BICC1: variants seen among roughly 807,000 people sequenced by gnomAD.
BICC1 encodes BicC family RNA binding protein 1, also known as protein bicaudal C homolog 1.
A neutral mutation model predicts 111.0 loss-of-function variants in BICC1; 43 were observed. That is an observed-to-expected ratio of 0.39 (90% confidence interval 0.30 to 0.50). The LOEUF is 0.50. BICC1 is among the 20% of genes least tolerant of loss of function. BICC1 has a pLI of 0.88. For synonymous variants in BICC1, 467 were observed against 434.4 expected (o/e 1.07, Z -0.93); for missense variants, 1,091 against 1,203.2 (o/e 0.91, Z 1.38).
chr10:58,743,351 T>C (rs1344268237), intron 3 of BICC1, among the ~76,000 whole-genome samples: 1 of 152,130 alleles, frequency 6.6e-6, no homozygotes, highest in East Asian at 1.9e-4. Flanking sequence ...CTAGTTTATC[T>C]TGTAGGCCAA....
intron 1 of BICC1, among the ~76,000 whole-genome samples, chr10:58,566,171 C>G (rs949522208): frequency 6.8e-6 from 1 of 147,664 alleles, no homozygotes; most frequent in African/African-American, 2.5e-5. Flanking sequence ...TGTATATATA[C>G]ATATACACAC....
At chr10:58,682,085 T>C (rs1839544699) in intron 2 of BICC1, among the ~76,000 whole-genome samples, 1 of 147,632 alleles carries the variant, frequency 6.8e-6, no homozygotes, top group African/African-American at 2.5e-5. Context: ...TTCTCATTGT[T>C]CAGTTCCCAC....
intron 3 of BICC1, among the ~76,000 whole-genome samples, chr10:58,714,207 T>C (rs1254739838): frequency 2.0e-5 from 3 of 152,212 alleles, no homozygotes; most frequent in Non-Finnish European, 4.4e-5. Context: ...CCATAGTGTC[T>C]TCATAGCACT....
chr10:58,625,729 T>G (rs1475052183), intron 2 of BICC1, among the ~76,000 whole-genome samples: 2 of 152,148 alleles, frequency 1.3e-5, no homozygotes, highest in African/African-American at 4.8e-5. Flanking sequence ...ATAGCAAGTG[T>G]TGTCTTCTGG....
intron 17 of BICC1, among the ~76,000 whole-genome samples, chr10:58,810,721 G>A (rs12244641): frequency 0.018 from 2,786 of 152,208 alleles, 78 homozygotes; most frequent in African/African-American, 0.063. Flanking sequence ...TAGAGAGGGA[G>A]ATTTTTATTA....
intron 2 of BICC1, among the ~76,000 whole-genome samples, chr10:58,680,664 G>T (rs1281412880): frequency 6.6e-6 from 1 of 151,956 alleles, no homozygotes; most frequent in Non-Finnish European, 1.5e-5. Context: ...CACAGAATTA[G>T]AAAAATCTAC....
intron 1 of BICC1, among the ~76,000 whole-genome samples, chr10:58,565,259 A>G (rs572990200): frequency 6.6e-6 from 1 of 152,354 alleles, no homozygotes; most frequent in Admixed American, 6.5e-5. Context: ...ATTATTTTGC[A>G]TCTGTTATGT....
At chr10:58,583,339 G>A (rs1350192274) in intron 1 of BICC1, among the ~76,000 whole-genome samples, 1 of 152,076 alleles carries the variant, frequency 6.6e-6, no homozygotes, top group Non-Finnish European at 1.5e-5. Flanking sequence ...CACCCAAGCA[G>A]TGTGCAGTCT....
chr10:58,764,571 C>G (rs1314444260), intron 3 of BICC1, among the ~76,000 whole-genome samples: 1 of 150,504 alleles, frequency 6.6e-6, no homozygotes, highest in African/African-American at 2.4e-5. Flanking sequence ...AAGCATAAAA[C>G]TGATGCCAGA....
intron 3 of BICC1, among the ~76,000 whole-genome samples, chr10:58,774,052 T>C (rs2132733373): frequency 6.6e-6 from 1 of 152,302 alleles, no homozygotes; most frequent in East Asian, 1.9e-4. Context: ...GTGTAGTTAG[T>C]GGTGGCCATA....
intron 1 of BICC1, among the ~76,000 whole-genome samples, chr10:58,527,294 T>G (rs1192871353): frequency 2.0e-5 from 3 of 152,188 alleles, no homozygotes; most frequent in Non-Finnish European, 2.9e-5. Context: ...TAAATTTGTT[T>G]AAGTTCTTTG....
rs1481987291 is a variant in BICC1, at chr10:58,789,811, C to T, written c.925C>T (p.His309Tyr). 1.2e-6 allele frequency: 2 copies of T among 1,614,152 alleles called. No homozygotes were observed. The highest frequency in any genetic ancestry group is 3.3e-5 in the Admixed American group (2 of 60,028). Reference sequence around the variant, plus strand: ...GGGTCGAAATGGGAGCAACATCAAACATATCATGCAGAGAACAGGTGCTCA... The same window carrying T: ...GGGTCGAAATGGGAGCAACATCAAATATATCATGCAGAGAACAGGTGCTCA... ...MMGRNGSNIK[H>Y]IMQRTGAQIH... Residue 309 changes from histidine (H) to tyrosine (Y), a missense_variant, in exon 8 of 21, where the codon CAT (histidine) becomes TAT (tyrosine). His to Tyr is a moderately conservative substitution (Grantham distance 83). This residue lies in a region of BICC1 where 843 missense variants were observed against 900.8 expected (regional missense o/e 0.94). Coordinates refer to ENST00000373886, the MANE Select transcript of BICC1 (RefSeq NM_001080512.3).
rs576723700 is a variant in BICC1 at position 58,527,960 on chromosome 10, G to A, written c.190+14627G>A. ...AGAATAATAATATGTCTCATGTAGG[G>A]TTATGATAACATTTGTAAGGCTGGC... On this transcript the variant is annotated intron_variant, in intron 1 of 20. Transcript: ENST00000373886. Among the ~76,000 whole-genome samples, 598 of 151,994 alleles carry A rather than the reference G, an allele frequency of 3.9e-3. 4 individuals carry two copies. The highest frequency in any genetic ancestry group is 0.014 in the African/African-American group (565 of 41,502).
chr10:58,689,296 T>A (rs1839845794), intron 2 of BICC1, among the ~76,000 whole-genome samples: 1 of 152,178 alleles, frequency 6.6e-6, no homozygotes, highest in Non-Finnish European at 1.5e-5. Context: ...CCAGAAAGCT[T>A]CATTCTCAAA....
Position 58,601,168 on chromosome 10 carries a change from A to ATC in BICC1, c.191-19686_191-19685insCT, listed in dbSNP as rs1564506878. On this transcript the variant is annotated intron_variant, in intron 1 of 20. Transcript: ENST00000373886. Reference sequence around the variant, plus strand: ...TATATATATATATATATATATATATATATCTCCCAATAAAATTTGGAAAAT... The same window carrying ATC: ...TATATATATATATATATATATATATATCTATCTCCCAATAAAATTTGGAAAAT... Among the ~76,000 whole-genome samples, 129 of 139,342 alleles carry ATC rather than the reference A, an allele frequency of 9.3e-4. 2 individuals carry two copies. The highest frequency in any genetic ancestry group is 3.1e-3 in the African/African-American group (117 of 38,020). The allele number at this position is 139,342 out of a possible 152,430, so 91.4% of individuals were successfully genotyped here.
At chr10:58,803,040 A>G in intron 14 of BICC1, 37 bp from the exon 15 acceptor site, 5 of 1,540,862 alleles carry the variant, frequency 3.2e-6, no homozygotes, top group South Asian at 2.6e-5. Context: ...ATTTGTATAT[A>G]TAGTGGAGTG....
intron 3 of BICC1, among the ~76,000 whole-genome samples, chr10:58,703,008 A>G (rs1383483905): frequency 6.6e-6 from 1 of 152,098 alleles, no homozygotes; most frequent in Non-Finnish European, 1.5e-5. Flanking sequence ...AAGATTTCTC[A>G]GTTTCCTTTC....
At chr10:58,710,123 A>C (rs1303294843) in intron 3 of BICC1, among the ~76,000 whole-genome samples, 1 of 152,228 alleles carries the variant, frequency 6.6e-6, no homozygotes, top group Non-Finnish European at 1.5e-5. Context: ...AGTGAGTGAT[A>C]CCACCAAACT....
chr10:58,718,211 G>A (rs969092782), intron 3 of BICC1, among the ~76,000 whole-genome samples: 1 of 152,168 alleles, frequency 6.6e-6, no homozygotes, highest in Non-Finnish European at 1.5e-5. Context: ...AGACTGGGAA[G>A]TGCAAGATCA....
Sources: gnomAD v4.1 joint callset for allele counts (sites outside exome capture counted in the v4.1 genomes callset) on GRCh38, gnomAD v4.1.1 for gene constraint, gnomAD v4.1.1 regional missense constraint, MANE v1.5 for transcripts, NCBI Gene and HGNC (gene_info 2026-07-23, HGNC 2026-07-21) for gene names.